The following NLGN1 variants were observed in gnomAD, a reference collection of about 807,000 sequenced individuals.
NLGN1 encodes neuroligin 1.
NLGN1 carries 12 observed loss-of-function variants against 65.5 expected under a neutral mutation model. That is an observed-to-expected ratio of 0.18 (90% CI 0.12 to 0.30). NLGN1 has a LOEUF of 0.30. NLGN1 is among the 10% of genes least tolerant of loss of function. NLGN1 has a pLI of 1.00. For synonymous variants in NLGN1, 350 were observed against 359.5 expected, an observed-to-expected ratio of 0.97 and a Z score of 0.30; for missense variants, 750 against 1,007.1, an observed-to-expected ratio of 0.74 and a Z score of 3.46.
At chr3:173,589,570 T>C (rs1244540011) in intron 2 of NLGN1, among the ~76,000 whole-genome samples, 1 of 152,190 alleles carries the variant, frequency 6.6e-6, no homozygotes, top group African/African-American at 2.4e-5. Context: ...AGATTGAATA[T>C]TGGGCAACTA....
At chr3:173,980,653 A>T (rs917837915) in intron 4 of NLGN1, among the ~76,000 whole-genome samples, 1 of 152,126 alleles carries the variant, frequency 6.6e-6, no homozygotes, top group African/African-American at 2.4e-5. Flanking sequence ...TTTTCAAAAA[A>T]AACATTGTAT....
intron 2 of NLGN1, among the ~76,000 whole-genome samples, chr3:173,576,852 C>G (rs1199823560): frequency 6.6e-6 from 1 of 152,096 alleles, no homozygotes; most frequent in Non-Finnish European, 1.5e-5. Flanking sequence ...TAATGCTATT[C>G]TTTCTTGATT....
intron 4 of NLGN1, among the ~76,000 whole-genome samples, chr3:173,878,676 A>G (rs1732638489): frequency 1.3e-5 from 2 of 150,202 alleles, no homozygotes; most frequent in Admixed American, 6.7e-5. Flanking sequence ...ACATACATAT[A>G]TAAGTGTGTG....
At chr3:173,778,374 A>C (rs1383378366) in intron 3 of NLGN1, among the ~76,000 whole-genome samples, 1 of 151,838 alleles carries the variant, frequency 6.6e-6, no homozygotes, top group Non-Finnish European at 1.5e-5. Flanking sequence ...TTACAGCAGA[A>C]TTTATTAGGC....
intron 3 of NLGN1, among the ~76,000 whole-genome samples, chr3:173,706,214 T>C (rs909501994): frequency 6.6e-6 from 1 of 152,210 alleles, no homozygotes; most frequent in African/African-American, 2.4e-5. Context: ...GTATATTTTA[T>C]CTATTTAAAT....
intron 4 of NLGN1, among the ~76,000 whole-genome samples, chr3:174,092,532 T>A (rs1744718388): frequency 6.6e-6 from 1 of 150,602 alleles, no homozygotes; most frequent in Non-Finnish European, 1.5e-5. Flanking sequence ...AAAAAAAAAA[T>A]GAAAGTAATA....
In NLGN1 at chr3:173,838,111, C is replaced by A. The variant is rs1211082503; in HGVS notation, c.646+30279C>A. The stretch of plus-strand genomic sequence containing the variant: ...AGAATGAGATTTTTTTGATTCCCAG[C>A]TCAAGGTTTGTTCCTTATACAGTGT... On this transcript the variant is annotated intron_variant, in intron 4 of 6. Coordinates refer to ENST00000457714, the Ensembl canonical transcript of NLGN1. 2.0e-5 allele frequency among the ~76,000 whole-genome samples: 3 copies of A among 151,910 alleles called. No homozygotes were observed. In the East Asian group the frequency reaches 5.8e-4, roughly 29 times the overall value.
chr3:173,620,623 A>G (rs1158098979), intron 3 of NLGN1, among the ~76,000 whole-genome samples: 2 of 152,162 alleles, frequency 1.3e-5, no homozygotes, highest in Non-Finnish European at 2.9e-5. Flanking sequence ...AATCACTCAT[A>G]TGCCAGATAA....
intron 2 of NLGN1, among the ~76,000 whole-genome samples, chr3:173,601,128 C>T (rs1246742929): frequency 1.3e-5 from 2 of 151,928 alleles, no homozygotes; most frequent in South Asian, 2.1e-4. Flanking sequence ...CGAAGTCAGA[C>T]GAAGCTCGTC....
intron 4 of NLGN1, among the ~76,000 whole-genome samples, chr3:174,186,588 C>T (rs1260795755): frequency 1.3e-5 from 2 of 151,976 alleles, no homozygotes; most frequent in Non-Finnish European, 2.9e-5. Flanking sequence ...CTGTTTTTTA[C>T]TCTGAGTCAG....
chr3:173,773,559 A>G (rs1779884198), intron 3 of NLGN1, among the ~76,000 whole-genome samples: 1 of 152,172 alleles, frequency 6.6e-6, no homozygotes, highest in South Asian at 2.1e-4. Context: ...ATCATTGAAT[A>G]TGATGTTTGT....
chr3:174,231,973 G>A (rs16858251), intron 4 of NLGN1, among the ~76,000 whole-genome samples: 16,980 of 152,178 alleles, frequency 0.11, 1,690 homozygotes, highest in African/African-American at 0.26. Context: ...TGAAAGGACT[G>A]TACATGCAAA....
chr3:173,449,890 C>T (rs1721153160), intron 2 of NLGN1, among the ~76,000 whole-genome samples: 1 of 152,102 alleles, frequency 6.6e-6, no homozygotes, highest in Non-Finnish European at 1.5e-5. Flanking sequence ...GCAACCCCTG[C>T]CTTTTTTTGT....
At chr3:173,824,048 G>A (rs1049619704) in intron 4 of NLGN1, among the ~76,000 whole-genome samples, 4 of 152,032 alleles carry the variant, frequency 2.6e-5, no homozygotes, top group Admixed American at 2.6e-4. Context: ...TTAATGTTTG[G>A]TTTTAATGGC....
At chr3:173,654,927 A>C (rs920356233) in intron 3 of NLGN1, among the ~76,000 whole-genome samples, 1 of 152,200 alleles carries the variant, frequency 6.6e-6, no homozygotes, top group Non-Finnish European at 1.5e-5. Flanking sequence ...TAGAGCCAGT[A>C]GTGTATACAG....
At chr3:174,112,272 T>C (rs1252205156) in intron 4 of NLGN1, among the ~76,000 whole-genome samples, 3 of 151,950 alleles carry the variant, frequency 2.0e-5, no homozygotes, top group Admixed American at 1.3e-4. Flanking sequence ...GATATTGAAA[T>C]AGATAAGATG....
At chr3:174,062,649 A>G (rs908044790) in intron 4 of NLGN1, among the ~76,000 whole-genome samples, 13 of 152,080 alleles carry the variant, frequency 8.5e-5, no homozygotes, top group Non-Finnish European at 1.9e-4. Context: ...ATTCACTCAT[A>G]TAGCCTTGTT....
chr3:173,484,085 A>C (rs1251123322), intron 2 of NLGN1, among the ~76,000 whole-genome samples: 1 of 152,148 alleles, frequency 6.6e-6, no homozygotes, highest in South Asian at 2.1e-4. Flanking sequence ...ATAAAAGGCT[A>C]TAGGAAATTA....
chr3:173,605,148 G>A, intron 3 of NLGN1, 57 bp downstream of exon 2: 1 of 1,385,060 alleles, frequency 7.2e-7, no homozygotes, highest in Non-Finnish European at 9.8e-7. Context: ...TCTATTCTAA[G>A]TTCTAACAAT....
Sources: gnomAD v4.1 joint callset for allele counts (sites outside exome capture counted in the v4.1 genomes callset) on GRCh38, gnomAD v4.1.1 for gene constraint, MANE v1.5 for transcripts, NCBI Gene and HGNC (gene_info 2026-07-23, HGNC 2026-07-21) for gene names.